Variants in PLCB1 observed in about 807,000 individuals in gnomAD.
PLCB1 encodes the protein 1-phosphatidylinositol 4,5-bisphosphate phosphodiesterase beta-1.
A neutral mutation model predicts 161.8 loss-of-function variants in PLCB1; 46 were observed. The ratio of observed to expected loss-of-function variants is 0.28; its 90% CI spans 0.22 to 0.36. PLCB1 has a LOEUF of 0.36. PLCB1 is among the 10% of genes least tolerant of loss of function. The pLI is 1.00. For synonymous variants in PLCB1, 517 were observed against 503.7 expected, an observed-to-expected ratio of 1.03 and a Z score of -0.35; for missense variants, 1,016 against 1,472.5, an observed-to-expected ratio of 0.69 and a Z score of 5.07.
intron 3 of PLCB1, among the ~76,000 whole-genome samples, chr20:8,467,489 T>C (rs1005122457): frequency 1.3e-5 from 2 of 152,176 alleles, no homozygotes; most frequent in African/African-American, 2.4e-5. Context: ...GATACCTTGC[T>C]AACAGTCAAG....
At chr20:8,667,974 G>C (rs1989854598) in intron 9 of PLCB1, among the ~76,000 whole-genome samples, 1 of 152,072 alleles carries the variant, frequency 6.6e-6, no homozygotes, top group Non-Finnish European at 1.5e-5. Flanking sequence ...GTGCGTGTGG[G>C]GTGGGGTGGA....
At chr20:8,265,831 T>C (rs73895705) in intron 2 of PLCB1, among the ~76,000 whole-genome samples, 3,659 of 152,256 alleles carry the variant, frequency 0.024, 132 homozygotes, top group African/African-American at 0.083. Context: ...TTGTGAGTCA[T>C]TGTTTTTATT....
intron 14 of PLCB1, among the ~76,000 whole-genome samples, chr20:8,720,603 C>T (rs919525786): frequency 2.6e-5 from 4 of 152,064 alleles, no homozygotes; most frequent in Admixed American, 2.6e-4. Context: ...ACTAGGGTAA[C>T]CTAAGATATT....
chr20:8,722,219 C>A, intron 14 of PLCB1, 135 bp from the exon 15 acceptor site: 20 of 576,992 alleles, frequency 3.5e-5, no homozygotes, highest in South Asian at 1.1e-4. Flanking sequence ...AATTTAAATC[C>A]TTGAAAAAAA....
At chr20:8,268,589 TA>T (rs985683273) in intron 2 of PLCB1, among the ~76,000 whole-genome samples, 3 of 152,222 alleles carry the variant, frequency 2.0e-5, no homozygotes, top group Non-Finnish European at 2.9e-5. Flanking sequence ...ACCAACAGTG[TA>T]AAAGTGTTCC....
chr20:8,421,730 G>C (rs1331549482), intron 3 of PLCB1, among the ~76,000 whole-genome samples: 1 of 152,132 alleles, frequency 6.6e-6, no homozygotes, highest in Admixed American at 6.6e-5. Context: ...TTTGTCTTTA[G>C]TAACTTCCTG....
At chr20:8,302,199 G>C (rs759171369) in intron 2 of PLCB1, among the ~76,000 whole-genome samples, 2 of 152,140 alleles carry the variant, frequency 1.3e-5, no homozygotes, top group Non-Finnish European at 2.9e-5. Flanking sequence ...CCTTCTCTTT[G>C]TATTCTTTGC....
chr20:8,340,833 T>C (rs765543325), intron 2 of PLCB1, among the ~76,000 whole-genome samples: 1 of 152,204 alleles, frequency 6.6e-6, no homozygotes, highest in South Asian at 2.1e-4. Flanking sequence ...TGTGATCTCA[T>C]GGAGTCTAGG....
chr20:8,545,864 T>C (rs1985520260), intron 3 of PLCB1, among the ~76,000 whole-genome samples: 1 of 152,170 alleles, frequency 6.6e-6, no homozygotes, highest in Non-Finnish European at 1.5e-5. Context: ...AACAGGCTTG[T>C]GAGAAGAGTA....
chr20:8,147,805 A>G (rs2051469019), intron 1 of PLCB1, among the ~76,000 whole-genome samples: 1 of 152,116 alleles, frequency 6.6e-6, no homozygotes, highest in South Asian at 2.1e-4. Context: ...GGAATAAGCT[A>G]GAAATGGAAG....
chr20:8,860,220 A>G (rs150858090), intron 31 of PLCB1, among the ~76,000 whole-genome samples: 1 of 152,354 alleles, frequency 6.6e-6, no homozygotes, highest in African/African-American at 2.4e-5. Context: ...CTCAATAAAT[A>G]TTTATAGTAG....
intron 31 of PLCB1, among the ~76,000 whole-genome samples, chr20:8,803,102 AAG>A (rs1984361144): frequency 6.6e-6 from 1 of 152,220 alleles, no homozygotes; most frequent in African/African-American, 2.4e-5. Context: ...TTTACTGAGA[AAG>A]AGGTATGAGT....
chr20:8,367,637 C>G (rs958649549), intron 2 of PLCB1, among the ~76,000 whole-genome samples: 1 of 152,094 alleles, frequency 6.6e-6, no homozygotes, highest in Non-Finnish European at 1.5e-5. Context: ...GTCTCTCTCT[C>G]AAAGAAAGGA....
chr20:8,540,240 C>T (rs1020640448), intron 3 of PLCB1, among the ~76,000 whole-genome samples: 4 of 152,126 alleles, frequency 2.6e-5, no homozygotes, highest in East Asian at 1.9e-4. Context: ...GATGAATGAG[C>T]TATTACTTGA....
intron 3 of PLCB1, among the ~76,000 whole-genome samples, chr20:8,477,844 C>A (rs748792630): frequency 1.7e-4 from 26 of 152,204 alleles, no homozygotes; most frequent in Non-Finnish European, 3.2e-4. Flanking sequence ...TCCCACTAGG[C>A]CCCATCTCCA....
chr20:8,268,697 T>C (rs1982112286), intron 2 of PLCB1, among the ~76,000 whole-genome samples: 1 of 152,330 alleles, frequency 6.6e-6, no homozygotes, highest in Non-Finnish European at 1.5e-5. Context: ...TGGTTTTGAT[T>C]TGCATTTTTC....
chr20:8,684,814 A>G, intron 9 of PLCB1, 118 bp from the exon 10 acceptor site: 1 of 656,714 alleles, frequency 1.5e-6, no homozygotes, highest in South Asian at 2.2e-5. Flanking sequence ...ATTTATCCAT[A>G]CTAAAATGTC....
intron 3 of PLCB1, among the ~76,000 whole-genome samples, chr20:8,562,182 C>T (rs1986163571): frequency 6.6e-6 from 1 of 152,162 alleles, no homozygotes; most frequent in Non-Finnish European, 1.5e-5. Flanking sequence ...CATCTTTAGC[C>T]TCGTTTCTTT....
At chr20:8,679,291 T>C (rs181054561) in intron 9 of PLCB1, among the ~76,000 whole-genome samples, 1 of 152,312 alleles carries the variant, frequency 6.6e-6, no homozygotes, top group East Asian at 1.9e-4. Context: ...GATAAAGGGA[T>C]CCGAACCTGA....
Sources: allele counts gnomAD v4.1 joint callset (sites outside exome capture counted in the v4.1 genomes callset), GRCh38; gene constraint gnomAD v4.1.1; transcripts MANE v1.5; gene names NCBI Gene and HGNC (gene_info 2026-07-23, HGNC 2026-07-21).